Variants in THSD7B observed in about 807,000 individuals in gnomAD.
THSD7B encodes the protein thrombospondin type-1 domain-containing protein 7B.
In THSD7B, 138 loss-of-function variants were observed where a neutral mutation model predicts 213.6. The observed-to-expected ratio is 0.65, with a 90% CI of 0.56 to 0.74. THSD7B has a LOEUF of 0.74. Ranked by LOEUF, THSD7B falls within the 30% of genes least tolerant of loss-of-function variation. The pLI is 0.00. For synonymous variants in THSD7B, 742 were observed against 687.0 expected (o/e 1.08, Z -1.25); for missense variants, 1,931 against 1,991.5 (o/e 0.97, Z 0.58).
chr2:137,455,243 G>A (rs934255982), intron 15 of THSD7B, among the ~76,000 whole-genome samples: 1 of 152,092 alleles, frequency 6.6e-6, no homozygotes, highest in African/African-American at 2.4e-5. Context: ...GATGAGTGGT[G>A]CCTAGTTCCA....
chr2:137,157,150 G>T (rs1482294348), intron 5 of THSD7B, among the ~76,000 whole-genome samples: 2 of 152,198 alleles, frequency 1.3e-5, no homozygotes, highest in African/African-American at 4.8e-5. Context: ...TCACCAACTT[G>T]TCTGAGTCCA....
At chr2:137,316,635 G>A (rs1226937892) in intron 12 of THSD7B, among the ~76,000 whole-genome samples, 1 of 151,962 alleles carries the variant, frequency 6.6e-6, no homozygotes, top group African/African-American at 2.4e-5. Context: ...GTGGGTGCCT[G>A]TAGTCCCAGC....
At chr2:137,543,107 G>A (rs1186288655) in intron 15 of THSD7B, among the ~76,000 whole-genome samples, 1 of 151,670 alleles carries the variant, frequency 6.6e-6, no homozygotes, top group Non-Finnish European at 1.5e-5. Context: ...AGTGTCTGTG[G>A]CCAGATTATT....
At chr2:137,051,913 A>G (rs1326155033) in intron 2 of THSD7B, among the ~76,000 whole-genome samples, 2 of 152,158 alleles carry the variant, frequency 1.3e-5, no homozygotes, top group East Asian at 3.8e-4. Context: ...GCTTTCTTAA[A>G]TGTGATGATT....
intron 7 of THSD7B, among the ~76,000 whole-genome samples, chr2:137,192,512 G>T (rs1018362561): frequency 6.6e-6 from 1 of 152,106 alleles, no homozygotes; most frequent in Non-Finnish European, 1.5e-5. Flanking sequence ...AGAGAGATGG[G>T]AAATTGAGGG....
At chr2:137,192,311 A>G (rs1243466367) in intron 7 of THSD7B, among the ~76,000 whole-genome samples, 1 of 152,198 alleles carries the variant, frequency 6.6e-6, no homozygotes, top group Non-Finnish European at 1.5e-5. Flanking sequence ...ATATTATAGT[A>G]TAGGCAGTGA....
chr2:137,034,384 G>A (rs1210030946), intron 2 of THSD7B, among the ~76,000 whole-genome samples: 5 of 152,034 alleles, frequency 3.3e-5, no homozygotes, highest in East Asian at 1.9e-4. Context: ...GATTACAAGC[G>A]TGAGCCACCA....
chr2:137,516,181 C>A (rs752622600), intron 15 of THSD7B, among the ~76,000 whole-genome samples: 17 of 151,972 alleles, frequency 1.1e-4, no homozygotes, highest in Non-Finnish European at 2.4e-4. Flanking sequence ...CTGACATGGG[C>A]TAACTAATCA....
intron 17 of THSD7B, among the ~76,000 whole-genome samples, chr2:137,591,052 T>C (rs2104813487): frequency 6.6e-6 from 1 of 152,044 alleles, no homozygotes; most frequent in African/African-American, 2.4e-5. Flanking sequence ...TTTATTTCAC[T>C]CTGTTTATTA....
chr2:136,825,949 G>A (rs1044864771), intron 1 of THSD7B, among the ~76,000 whole-genome samples: 3 of 152,024 alleles, frequency 2.0e-5, no homozygotes, highest in African/African-American at 2.4e-5. Context: ...CTTTTGCTTC[G>A]CAGCACCTGC....
chr2:137,675,423 T>TCC lies in THSD7B; in HGVS notation c.4740-1101_4740-1100insCC, dbSNP rs1573782265. On this transcript the variant is annotated intron_variant, in intron 27 of 27. Transcript: ENST00000409968. ...AATGCCATATATATATATATATATATATATATATATATATATATATATATG... is the reference window on the plus strand; with the variant it reads ...AATGCCATATATATATATATATATATCCATATATATATATATATATATATATG... Among the ~76,000 whole-genome samples, 5 of 59,298 alleles carry TCC rather than the reference T, an allele frequency of 8.4e-5. No individual in the cohort carries two copies. The East Asian group carries it at 3.5e-3, about 41-fold the overall frequency. The allele number at this position is 59,298 out of a possible 152,430, so 38.9% of individuals were successfully genotyped here.
chr2:137,390,943 GA>G (rs1558780447), intron 12 of THSD7B, among the ~76,000 whole-genome samples: 1 of 151,962 alleles, frequency 6.6e-6, no homozygotes, highest in Non-Finnish European at 1.5e-5. Context: ...TTTTGATGAG[GA>G]TTTTTGCATC....
intron 1 of THSD7B, among the ~76,000 whole-genome samples, chr2:136,780,989 A>G (rs995362346): frequency 2.0e-5 from 3 of 152,258 alleles, no homozygotes; most frequent in African/African-American, 7.2e-5. Flanking sequence ...GAAGAAGCAT[A>G]TAAAGAGTAT....
At chr2:136,914,071 G>T (rs1277137576) in intron 2 of THSD7B, among the ~76,000 whole-genome samples, 4 of 152,176 alleles carry the variant, frequency 2.6e-5, no homozygotes, top group Non-Finnish European at 5.9e-5. Context: ...CACTGGGGTG[G>T]AGCTGCCCAA....
intron 17 of THSD7B, among the ~76,000 whole-genome samples, chr2:137,575,253 T>C (rs940616070): frequency 1.3e-5 from 2 of 152,062 alleles, no homozygotes; most frequent in African/African-American, 4.8e-5. Flanking sequence ...TAACACAGAA[T>C]TGTGATGAAG....
chr2:137,316,227 C>T (rs944283231), intron 12 of THSD7B, among the ~76,000 whole-genome samples: 10 of 152,212 alleles, frequency 6.6e-5, no homozygotes, highest in African/African-American at 2.4e-4. Flanking sequence ...CAACCGATAC[C>T]TTCAAAATGA....
chr2:136,847,100 T>G (rs541226275), intron 1 of THSD7B, among the ~76,000 whole-genome samples: 1 of 152,266 alleles, frequency 6.6e-6, no homozygotes, highest in South Asian at 2.1e-4. Context: ...ACATCTTCAT[T>G]TGGATGGAAA....
chr2:136,857,426 G>A (rs1683193518), intron 1 of THSD7B, among the ~76,000 whole-genome samples: 1 of 152,152 alleles, frequency 6.6e-6, no homozygotes, highest in African/African-American at 2.4e-5. Context: ...AGCAACTTGT[G>A]CTTTTTATTC....
At chr2:137,113,326 C>T (rs1688385158) in intron 4 of THSD7B, among the ~76,000 whole-genome samples, 1 of 152,126 alleles carries the variant, frequency 6.6e-6, no homozygotes, top group Non-Finnish European at 1.5e-5. Flanking sequence ...GGTTTCAGAG[C>T]CCTGGCTCTG....
Sources: allele counts gnomAD v4.1 joint callset (sites outside exome capture counted in the v4.1 genomes callset), GRCh38; gene constraint gnomAD v4.1.1; transcripts MANE v1.5; gene names NCBI Gene and HGNC (gene_info 2026-07-23, HGNC 2026-07-21).